Variants in NLGN1 observed in about 807,000 individuals in gnomAD.
NLGN1 encodes neuroligin 1, also known as neuroligin-1.
NLGN1 carries 12 observed loss-of-function variants against 65.5 expected under a neutral mutation model. The ratio of observed to expected loss-of-function variants is 0.18; its 90% CI spans 0.12 to 0.30. The LOEUF is 0.30. NLGN1 is among the 10% of genes least tolerant of loss of function. NLGN1 has a pLI of 1.00. For synonymous variants in NLGN1, 350 were observed against 359.5 expected (o/e 0.97, Z 0.30); for missense variants, 750 against 1,007.1 (o/e 0.74, Z 3.46).
intron 2 of NLGN1, among the ~76,000 whole-genome samples, chr3:173,554,573 A>G (rs6445111): frequency 0.57 from 86,049 of 151,976 alleles, 24,328 homozygotes; most frequent in East Asian, 0.8. Context: ...ATTGTGTTTG[A>G]CTTCTCTGGA....
chr3:174,107,021 G>C (rs111562947), intron 4 of NLGN1, among the ~76,000 whole-genome samples: 6,699 of 105,472 alleles, frequency 0.064, 189 homozygotes, highest in African/African-American at 0.15. Flanking sequence ...CACACACAGA[G>C]AGAGAGAGAG....
intron 4 of NLGN1, among the ~76,000 whole-genome samples, chr3:173,901,810 T>G (rs550164193): frequency 1.4e-4 from 21 of 152,068 alleles, no homozygotes; most frequent in African/African-American, 4.8e-4. Flanking sequence ...GCACTGCCCT[T>G]CAAGAAATCT....
intron 4 of NLGN1, among the ~76,000 whole-genome samples, chr3:173,852,067 AAAGT>A (rs1482087244): frequency 7.9e-5 from 12 of 152,202 alleles, no homozygotes; most frequent in East Asian, 3.9e-4. Context: ...GTTGAGACTA[AAAGT>A]AAGTGGTTGG....
intron 4 of NLGN1, among the ~76,000 whole-genome samples, chr3:174,180,484 A>G (rs1316884080): frequency 6.6e-6 from 1 of 152,188 alleles, no homozygotes; most frequent in East Asian, 1.9e-4. Context: ...AAATATTTTA[A>G]TGGTACAAAT....
At chr3:173,869,457 G>C (rs1730773231) in intron 4 of NLGN1, among the ~76,000 whole-genome samples, 1 of 151,996 alleles carries the variant, frequency 6.6e-6, no homozygotes, top group Admixed American at 6.6e-5. Flanking sequence ...AAGGTTGTTT[G>C]GTTTTACTCC....
At chr3:173,993,342 C>T (rs187566427) in intron 4 of NLGN1, among the ~76,000 whole-genome samples, 13 of 152,318 alleles carry the variant, frequency 8.5e-5, no homozygotes, top group African/African-American at 2.4e-4. Context: ...TTGTAAAAGA[C>T]ATGCCATGTG....
At chr3:173,745,723 T>A (rs766930865) in intron 3 of NLGN1, among the ~76,000 whole-genome samples, 4 of 152,082 alleles carry the variant, frequency 2.6e-5, no homozygotes, top group Non-Finnish European at 4.4e-5. Flanking sequence ...GGTGTTTGGA[T>A]GCAATATGCC....
At chr3:173,519,664 A>G (rs1041863406) in intron 2 of NLGN1, among the ~76,000 whole-genome samples, 1 of 149,942 alleles carries the variant, frequency 6.7e-6, no homozygotes, top group African/African-American at 2.4e-5. Flanking sequence ...GGAATGGATT[A>G]TTTACTGAAT....
intron 2 of NLGN1, among the ~76,000 whole-genome samples, chr3:173,476,187 T>C (rs1205642271): frequency 6.6e-6 from 1 of 152,138 alleles, no homozygotes; most frequent in Admixed American, 6.5e-5. Context: ...ATCAGCAGAG[T>C]GCTGCCTGAG....
intron 4 of NLGN1, among the ~76,000 whole-genome samples, chr3:173,829,958 A>T (rs1484918398): frequency 6.9e-6 from 1 of 144,928 alleles, no homozygotes; most frequent in Non-Finnish European, 1.5e-5. Context: ...AGTGGTCATA[A>T]TATTTGCCCG....
chr3:174,027,070 A>T (rs1325307394), intron 4 of NLGN1, among the ~76,000 whole-genome samples: 3 of 147,998 alleles, frequency 2.0e-5, no homozygotes, highest in Admixed American at 6.7e-5. Context: ...TTTTTTTAAA[A>T]AAAAAAAAAG....
At chr3:174,278,911 G>A (rs1226316319) in exon 6 of NLGN1, 2 of 1,513,660 alleles carry the variant, frequency 1.3e-6, no homozygotes, top group Non-Finnish European at 1.8e-6. Context: ...TTCCAGCTGG[G>A]CTGTTAGTTT....
intron 4 of NLGN1, among the ~76,000 whole-genome samples, chr3:173,842,714 C>T (rs565964885): frequency 5.3e-5 from 8 of 152,316 alleles, no homozygotes; most frequent in African/African-American, 1.7e-4. Flanking sequence ...GGCAGCTCCG[C>T]CCCTGTGACT....
In NLGN1 at chr3:173,782,691, C is replaced by T. The variant is rs1578407308; in HGVS notation, c.494-24989C>T. On this transcript the variant is annotated intron_variant, in intron 3 of 6. Coordinates refer to ENST00000457714, the Ensembl canonical transcript of NLGN1. ...ATTTTATTGTGTACTCAAAGCTTAC[C>T]TTTTTTTTTTTTTCTTTTTGCATTG... is the stretch of plus-strand genomic sequence containing the variant. Among the ~76,000 whole-genome samples the T allele has an allele frequency of 2.8e-5, 4 of 144,710 alleles. No individual in the cohort carries two copies. In the South Asian group the frequency reaches 8.8e-4, roughly 32 times the overall value. The allele number at this position is 144,710 out of a possible 152,430, so 94.9% of individuals were successfully genotyped here. A position where few individuals can be genotyped will look rare whatever the true frequency, so the allele number is the denominator to read the frequency against.
At chr3:173,830,010 G>GTGGGA (rs76306125) in intron 4 of NLGN1, among the ~76,000 whole-genome samples, 7 of 139,338 alleles carry the variant, frequency 5.0e-5, no homozygotes, top group South Asian at 2.2e-4. Context: ...GGTAGTGTGG[G>GTGGGA]GGGGGGAGGG....
intron 3 of NLGN1, among the ~76,000 whole-genome samples, chr3:173,745,620 T>C (rs1775247562): frequency 2.0e-5 from 3 of 151,986 alleles, no homozygotes; most frequent in Admixed American, 6.6e-5. Flanking sequence ...TTGATGATCA[T>C]CAGCCCCACA....
chr3:174,120,770 T>C (rs918299294), intron 4 of NLGN1, among the ~76,000 whole-genome samples: 5 of 152,004 alleles, frequency 3.3e-5, no homozygotes, highest in African/African-American at 7.3e-5. Flanking sequence ...CAGAGGAGAG[T>C]TATGCTCCCA....
chr3:173,675,345 G>A (rs542325395), intron 3 of NLGN1, among the ~76,000 whole-genome samples: 9 of 151,864 alleles, frequency 5.9e-5, no homozygotes, highest in South Asian at 2.1e-4. Flanking sequence ...ATTTCATTGC[G>A]CATATATCTC....
chr3:173,956,750 T>C (rs1347023515), intron 4 of NLGN1, among the ~76,000 whole-genome samples: 1 of 152,192 alleles, frequency 6.6e-6, no homozygotes, highest in Non-Finnish European at 1.5e-5. Context: ...CAAAGCATAA[T>C]GATACTGGTC....
Sources: allele counts gnomAD v4.1 joint callset (sites outside exome capture counted in the v4.1 genomes callset), GRCh38; gene constraint gnomAD v4.1.1; transcripts MANE v1.5; gene names NCBI Gene and HGNC (gene_info 2026-07-23, HGNC 2026-07-21).